PRTFDC1: variants seen among roughly 807,000 people sequenced by gnomAD.
PRTFDC1 encodes phosphoribosyl transferase domain containing 1.
In PRTFDC1, 38 loss-of-function variants were observed where a neutral mutation model predicts 34.6. The ratio of observed to expected loss-of-function variants is 1.10; its 90% confidence interval spans 0.85 to 1.44. The LOEUF (loss-of-function observed/expected upper bound fraction) is 1.44, where lower values mean the gene tolerates loss of function less well. Among genes scored for constraint, PRTFDC1 ranks in the 40% most tolerant of loss-of-function variants. The pLI is 0.00. For missense variants in PRTFDC1, 270 were observed against 283.0 expected, an observed-to-expected ratio of 0.95 and a Z score of 0.33; for synonymous variants, 93 against 98.1, an observed-to-expected ratio of 0.95 and a Z score of 0.31.
intron 4 of PRTFDC1, chr10:24,868,118 T>G (rs995000812): frequency 6.6e-6 from 1 of 152,206 alleles, no homozygotes; most frequent in Non-Finnish European, 1.5e-5. Context: ...TAAATTTATT[T>G]GGAGGGAATG....
At chr10:24,947,436 A>G (rs1422888051) in intron 1 of PRTFDC1, among the ~76,000 whole-genome samples, 8 of 152,194 alleles carry the variant, frequency 5.3e-5, no homozygotes, top group Admixed American at 5.2e-4. Flanking sequence ...TAGTTTCAGT[A>G]TCACAGATAA....
In PRTFDC1 at chr10:24,952,483, G is replaced by A. The variant is rs912843062; in HGVS notation, c.48+45C>T. On this transcript the variant is annotated intron_variant, in intron 1 of 8. Coordinates refer to ENST00000320152, the MANE Select transcript of PRTFDC1 (RefSeq NM_020200.7). The surrounding 1 kb of genome is among the most constrained non-coding windows in gnomAD (Gnocchi z 5.1). ...TAATCTACAAGCAGGGTGCCAGGGAGGGAGGGGAGCGGGCCGAGCCCCAAA... is the reference window on the plus strand; with the variant it reads ...TAATCTACAAGCAGGGTGCCAGGGAAGGAGGGGAGCGGGCCGAGCCCCAAA... The A allele has an allele frequency of 6.5e-6, 10 of 1,549,840 alleles. No individual in the cohort carries two copies. In the African/African-American group the frequency reaches 1.2e-4, roughly 19 times the overall value.
chr10:24,900,025 G>A (rs1848424822), intron 3 of PRTFDC1, among the ~76,000 whole-genome samples: 1 of 152,164 alleles, frequency 6.6e-6, no homozygotes, highest in African/African-American at 2.4e-5. Flanking sequence ...TGGTAGATAT[G>A]TGGAGACTGC....
chr10:24,862,821 T>C (rs961241854), intron 4 of PRTFDC1, among the ~76,000 whole-genome samples: 1 of 152,216 alleles, frequency 6.6e-6, no homozygotes, highest in Non-Finnish European at 1.5e-5. Flanking sequence ...TCAAATACTT[T>C]CATTGTCATT....
intron 3 of PRTFDC1, among the ~76,000 whole-genome samples, chr10:24,892,126 G>C (rs1353885070): frequency 6.6e-6 from 1 of 152,134 alleles, no homozygotes; most frequent in Non-Finnish European, 1.5e-5. Context: ...TAAATGCCCA[G>C]CAGTGGGATT....
At chr10:24,891,235 T>A (rs1472347359) in intron 3 of PRTFDC1, among the ~76,000 whole-genome samples, 1 of 152,174 alleles carries the variant, frequency 6.6e-6, no homozygotes, top group Non-Finnish European at 1.5e-5. Context: ...GCTGTAAAAT[T>A]CATGATATAT....
intron 4 of PRTFDC1, among the ~76,000 whole-genome samples, chr10:24,859,147 C>G (rs1403727588): frequency 1.3e-5 from 2 of 152,178 alleles, no homozygotes; most frequent in African/African-American, 4.8e-5. Context: ...TTAGCATCAT[C>G]ATGCCCCTTG....
chr10:24,853,596 G>A (rs111335740), intron 7 of PRTFDC1, among the ~76,000 whole-genome samples: 5,676 of 152,016 alleles, frequency 0.037, 340 homozygotes, highest in African/African-American at 0.13. Context: ...GTCAGATTCC[G>A]TCTCAAATAA....
In PRTFDC1 at chr10:24,849,042, C is replaced by T. The variant is rs1847437389; in HGVS notation, c.*802G>A. 2.0e-5 allele frequency: 3 copies of T among 152,198 alleles called. No homozygotes were observed. Among genetic ancestry groups the T allele is most frequent in the South Asian group, 2.1e-4 (1 of 4,836 alleles). The allele number at this position is 152,198 out of a possible 1,614,324, so 9.4% of individuals were successfully genotyped here. On this transcript the variant is annotated 3_prime_UTR_variant, in exon 9 of 9. Coordinates refer to ENST00000320152, the MANE Select transcript of PRTFDC1 (RefSeq NM_020200.7). ...CTTAGTTTCGAGCATTGAAAGCACT[C>T]GCCCCTAATTCTGCCATTTGCTCAT... is the stretch of plus-strand genomic sequence containing the variant.
At chr10:24,903,021 A>AC (rs916725299) in intron 3 of PRTFDC1, among the ~76,000 whole-genome samples, 110 of 152,306 alleles carry the variant, frequency 7.2e-4, no homozygotes, top group African/African-American at 2.6e-3. Context: ...ACATAGTGAA[A>AC]CCCCATCTCT....
At chr10:24,871,544 C>T (rs1031962243) in intron 4 of PRTFDC1, among the ~76,000 whole-genome samples, 6 of 151,610 alleles carry the variant, frequency 4.0e-5, no homozygotes, top group East Asian at 1.9e-4. Context: ...GTGCTGAAAA[C>T]GCACTCTTAA....
At chr10:24,948,960 A>G (rs1246001075) in intron 1 of PRTFDC1, among the ~76,000 whole-genome samples, 2 of 152,196 alleles carry the variant, frequency 1.3e-5, no homozygotes, top group Admixed American at 1.3e-4. Flanking sequence ...CGCTTCTGCC[A>G]TTTGCTACTT....
At chr10:24,925,268 A>C (rs964227612) in intron 3 of PRTFDC1, among the ~76,000 whole-genome samples, 9 of 152,188 alleles carry the variant, frequency 5.9e-5, no homozygotes, top group Non-Finnish European at 1.3e-4. Flanking sequence ...GAGTTGAACA[A>C]TGAGAACACA....
At chr10:24,905,710 C>T (rs1047091456) in intron 3 of PRTFDC1, among the ~76,000 whole-genome samples, 3 of 152,064 alleles carry the variant, frequency 2.0e-5, no homozygotes, top group Non-Finnish European at 4.4e-5. Context: ...GCACATTATC[C>T]ATCATATGCC....
At chr10:24,858,682 C>A (rs1209646427) in intron 4 of PRTFDC1, among the ~76,000 whole-genome samples, 2 of 152,164 alleles carry the variant, frequency 1.3e-5, no homozygotes, top group Non-Finnish European at 2.9e-5. Flanking sequence ...AAAGTCATCC[C>A]ATTTCAGTAA....
At chr10:24,923,768 C>A (rs1290247229) in intron 3 of PRTFDC1, among the ~76,000 whole-genome samples, 1 of 152,128 alleles carries the variant, frequency 6.6e-6, no homozygotes. Context: ...CAGCTCCTCA[C>A]CAGCAATGGA....
At chr10:24,894,985 T>TTCA (rs1288715132) in intron 3 of PRTFDC1, among the ~76,000 whole-genome samples, 1 of 152,000 alleles carries the variant, frequency 6.6e-6, no homozygotes, top group East Asian at 1.9e-4. Flanking sequence ...AGCCGAGTGG[T>TTCA]TCATGAAAGA....
chr10:24,938,009 T>C (rs1199574803), intron 2 of PRTFDC1, among the ~76,000 whole-genome samples: 1 of 151,726 alleles, frequency 6.6e-6, no homozygotes, highest in African/African-American at 2.4e-5. Flanking sequence ...GCAGATCACT[T>C]AAGGTCAGGA....
intron 3 of PRTFDC1, among the ~76,000 whole-genome samples, chr10:24,896,769 T>C (rs61854288): frequency 0.1 from 15,677 of 152,184 alleles, 1,104 homozygotes; most frequent in East Asian, 0.29. Context: ...GCATACCACT[T>C]AGCGTGTTCT....
Sources: allele counts gnomAD v4.1 joint callset (sites outside exome capture counted in the v4.1 genomes callset), GRCh38; gene constraint gnomAD v4.1.1; non-coding constraint Gnocchi (gnomAD v3.1); transcripts MANE v1.5; gene names NCBI Gene and HGNC (gene_info 2026-07-23, HGNC 2026-07-21).